Variants in SPAG1 observed in about 807,000 individuals in gnomAD.
SPAG1 encodes the protein sperm-associated antigen 1.
Under a neutral mutation model 100.5 loss-of-function variants are expected in SPAG1, and 69 were observed. The ratio of observed to expected loss-of-function variants is 0.69; its 90% CI spans 0.57 to 0.84. The LOEUF (loss-of-function observed/expected upper bound fraction) is 0.84. SPAG1 is among the 40% of genes least tolerant of loss of function. The pLI, the probability that SPAG1 is intolerant of heterozygous loss-of-function variation, is 0.00. For missense variants in SPAG1, 955 were observed against 1,133.1 expected, an observed-to-expected ratio of 0.84 and a Z score of 2.26; for synonymous variants, 336 against 411.6, an observed-to-expected ratio of 0.82 and a Z score of 2.22.
chr8:100,240,990 A>C lies in SPAG1; in HGVS notation c.2749A>C (p.Ile917Leu). The change falls in exon 19 of 19, where the codon ATA (isoleucine) becomes CTA (leucine). Residue 917 changes from isoleucine to leucine, a missense_variant. Ile to Leu is a conservative substitution (Grantham distance 5, BLOSUM62 2). Transcript: ENST00000388798. ...AAACAACCATTTTACTTTAGAAGAT[A>C]TACAGGCCCTAAAAAGGCAGTATGA... is the stretch of plus-strand genomic sequence containing the variant. ...TPNNHFTLED[I>L]QALKRQYEL The C allele has an allele frequency of 6.2e-7, 1 of 1,613,254 alleles. No homozygotes were observed. Among genetic ancestry groups the C allele is most frequent in the Non-Finnish European group, 8.5e-7 (1 of 1,179,684 alleles).
intron 3 of SPAG1, among the ~76,000 whole-genome samples, chr8:100,170,546 CCT>C (rs1026121759): frequency 2.6e-4 from 39 of 152,118 alleles, no homozygotes; most frequent in African/African-American, 9.4e-4. Context: ...TCCCCACTCC[CCT>C]GTCCCCTAGC....
chr8:100,192,442 C>A (rs1816854782), intron 9 of SPAG1, among the ~76,000 whole-genome samples: 1 of 152,224 alleles, frequency 6.6e-6, no homozygotes, highest in African/African-American at 2.4e-5. Context: ...CACCTGCCCT[C>A]TCCGCTGCAG....
chr8:100,190,910 T>C (rs1218831171), intron 8 of SPAG1, among the ~76,000 whole-genome samples: 1 of 152,048 alleles, frequency 6.6e-6, no homozygotes, highest in African/African-American at 2.4e-5. Flanking sequence ...CCTCAAGTGA[T>C]CTGCCCACCT....
chr8:100,170,089 G>C (rs1215677338), intron 3 of SPAG1, among the ~76,000 whole-genome samples: 1 of 152,068 alleles, frequency 6.6e-6, no homozygotes, highest in Non-Finnish European at 1.5e-5. Flanking sequence ...TAACTTGCTT[G>C]TGTTTGAATT....
intron 12 of SPAG1, among the ~76,000 whole-genome samples, chr8:100,219,044 G>A (rs531191830): frequency 5.5e-4 from 83 of 152,278 alleles, no homozygotes; most frequent in Non-Finnish European, 8.8e-4. Context: ...CTGTGGGCAT[G>A]TCACTCCTCA....
chr8:100,195,408 A>G (rs1381510345), intron 10 of SPAG1, among the ~76,000 whole-genome samples: 1 of 152,208 alleles, frequency 6.6e-6, no homozygotes, highest in African/African-American at 2.4e-5. Flanking sequence ...ACAAAAAATA[A>G]TGCAATGTAT....
chr8:100,176,312 G>T (rs945904055), intron 3 of SPAG1, among the ~76,000 whole-genome samples: 1 of 149,714 alleles, frequency 6.7e-6, no homozygotes, highest in Non-Finnish European at 1.5e-5. Context: ...TAATGACTTT[G>T]CTTTTTCTGG....
chr8:100,196,971 G>A (rs560676474), intron 10 of SPAG1, among the ~76,000 whole-genome samples: 1 of 151,806 alleles, frequency 6.6e-6, no homozygotes, highest in African/African-American at 2.4e-5. Context: ...GCCCAGGCTG[G>A]ATTCAAGCTC....
chr8:100,163,402 T>C (rs1459157792), intron 2 of SPAG1, among the ~76,000 whole-genome samples: 1 of 151,870 alleles, frequency 6.6e-6, no homozygotes, highest in Non-Finnish European at 1.5e-5. Context: ...TTTCTTTCTT[T>C]CTTTCTTTTT....
chr8:100,191,597 C>G, intron 9 of SPAG1, 101 bp downstream of exon 9: 1 of 744,556 alleles, frequency 1.3e-6, no homozygotes, highest in Non-Finnish European at 2.3e-6. Flanking sequence ...TGTTGAAGAT[C>G]AGGTCACAGC....
At chr8:100,214,654 C>T (rs1326749660) in intron 12 of SPAG1, among the ~76,000 whole-genome samples, 4 of 151,884 alleles carry the variant, frequency 2.6e-5, no homozygotes, top group Non-Finnish European at 5.9e-5. Flanking sequence ...TATGGGGTAC[C>T]GAGTGATGCT....
chr8:100,192,012 T>C (rs1816837915), intron 9 of SPAG1, among the ~76,000 whole-genome samples: 1 of 152,136 alleles, frequency 6.6e-6, no homozygotes, highest in Non-Finnish European at 1.5e-5. Context: ...GGATACAAGA[T>C]ATCCTGAGTC....
At chr8:100,225,998 GTTTTT>G (rs57004927) in intron 14 of SPAG1, among the ~76,000 whole-genome samples, 1 of 132,142 alleles carries the variant, frequency 7.6e-6, no homozygotes, top group Admixed American at 7.7e-5. Flanking sequence ...ATGCCAGCTA[GTTTTT>G]TTTTTTTTTT....
At chr8:100,164,218 AG>A (rs1357489380) in intron 2 of SPAG1, among the ~76,000 whole-genome samples, 1 of 152,188 alleles carries the variant, frequency 6.6e-6, no homozygotes, top group Non-Finnish European at 1.5e-5. Context: ...CTTGTTGAAA[AG>A]GAAGTCCAAA....
At chr8:100,199,266 C>T (rs116034344) in intron 10 of SPAG1, among the ~76,000 whole-genome samples, 21 of 152,200 alleles carry the variant, frequency 1.4e-4, no homozygotes, top group African/African-American at 3.6e-4. Context: ...TACATATTTG[C>T]CAGCACTTGT....
chr8:100,199,465 G>C (rs539620461), intron 10 of SPAG1, among the ~76,000 whole-genome samples: 36 of 152,212 alleles, frequency 2.4e-4, no homozygotes, highest in African/African-American at 8.4e-4. Context: ...TTGTTGTTGA[G>C]ATGGATTTTC....
At chr8:100,172,680 A>ATGTGTGTG (rs1815926339) in intron 3 of SPAG1, among the ~76,000 whole-genome samples, 1 of 145,946 alleles carries the variant, frequency 6.9e-6, no homozygotes, top group African/African-American at 2.6e-5. Flanking sequence ...GTGTGTGTGT[A>ATGTGTGTG]TGTATGTGTA....
In SPAG1 at chr8:100,240,685, C is replaced by T; in HGVS notation, c.2563C>T (p.Gln855Ter). ...LEGDTFLLLIQSLKNNLIEKD... is the reference protein window; with the variant it reads ...LEGDTFLLLI ...AGGGGATACATTCCTTCTCCTCATT[C>T]AGTCTCTGAAAAATAATCTTATTGA... is the stretch of plus-strand genomic sequence containing the variant. The change falls in exon 18 of 19, where the codon CAG becomes TAG. Residue 855 changes from glutamine to a stop codon, truncating the protein, a stop_gained. Coordinates refer to ENST00000388798, the MANE Select transcript of SPAG1 (RefSeq NM_003114.5). LOFTEE classifies it high-confidence loss of function. 8 of 1,613,996 alleles carry T rather than the reference C, an allele frequency of 5.0e-6. No homozygotes were observed. Among genetic ancestry groups the T allele is most frequent in the Non-Finnish European group, 6.8e-6 (8 of 1,179,938 alleles).
In SPAG1 at chr8:100,177,831, A is replaced by G; in HGVS notation, c.316A>G (p.Ile106Val). 1 of 1,528,098 alleles carries G rather than the reference A, an allele frequency of 6.5e-7. No homozygotes were observed. The highest frequency in any genetic ancestry group is 9.1e-7 in the Non-Finnish European group (1 of 1,103,286). The allele number at this position is 1,528,098 out of a possible 1,614,324, so 94.7% of individuals were successfully genotyped here. A position where few individuals can be genotyped will look rare whatever the true frequency, so the allele number is the denominator to read the frequency against. ...CTATTCTCAGAGTTGGGTATCAGAA[A>G]TTAAAAAAGAAGAAGATAAAATGCA... The part of the protein sequence containing the change: ...DGDIKSWVSE[I>V]KKEEDKMHFH... Residue 106 changes from isoleucine (I) to valine (V), a missense_variant, in exon 4 of 19, where the codon ATT becomes GTT. By Grantham distance (29) the Ile-to-Val change is conservative. Transcript: ENST00000388798.
Sources: allele counts gnomAD v4.1 joint callset (sites outside exome capture counted in the v4.1 genomes callset), GRCh38; gene constraint gnomAD v4.1.1; transcripts MANE v1.5; gene names NCBI Gene and HGNC (gene_info 2026-07-23, HGNC 2026-07-21).